Variants in TP73 observed in about 807,000 individuals in gnomAD.
TP73 encodes the protein p53-like transcription factor.
A neutral mutation model predicts 62.5 loss-of-function variants in TP73; 25 were observed. That is an observed-to-expected ratio of 0.40 (90% CI 0.29 to 0.56). The LOEUF (loss-of-function observed/expected upper bound fraction) is 0.56, where lower values mean the gene tolerates loss of function less well. Among genes scored for constraint, TP73 ranks in the 20% least tolerant of loss-of-function variants. TP73 has a pLI of 0.46. For missense variants in TP73, 754 were observed against 913.3 expected, an observed-to-expected ratio of 0.83 and a Z score of 2.25; for synonymous variants, 423 against 377.5, an observed-to-expected ratio of 1.12 and a Z score of -1.40.
At chr1:3,693,670 G>A (rs904492900) in intron 3 of TP73, among the ~76,000 whole-genome samples, 22 of 151,840 alleles carry the variant, frequency 1.4e-4, no homozygotes, top group African/African-American at 4.8e-4. Flanking sequence ...GAGAGCTGCC[G>A]CCTCAGCCCC....
At chr1:3,691,422 A>C (rs1645825615) in intron 3 of TP73, among the ~76,000 whole-genome samples, 1 of 151,640 alleles carries the variant, frequency 6.6e-6, no homozygotes, top group African/African-American at 2.4e-5. Context: ...ATTTGACAGC[A>C]GTGGCAGACG....
chr1:3,718,235 C>T (rs1428539359), intron 4 of TP73, among the ~76,000 whole-genome samples: 3 of 152,184 alleles, frequency 2.0e-5, no homozygotes, highest in African/African-American at 4.8e-5. Context: ...GCGGGGCATC[C>T]ACAGTGCTCC....
chr1:3,729,746 A>G, intron 10 of TP73: 1 of 745,554 alleles, frequency 1.3e-6, no homozygotes, highest in Non-Finnish European at 2.3e-6. Flanking sequence ...ACCCACCAAG[A>G]CCAGAGTCCG....
chr1:3,681,899 C>G (rs1645531849), intron 1 of TP73, among the ~76,000 whole-genome samples: 1 of 109,374 alleles, frequency 9.1e-6, no homozygotes, highest in Non-Finnish European at 2.2e-5. Context: ...CCAAGCATCC[C>G]CCAGGCCAAA....
At chr1:3,731,360 A>T in intron 12 of TP73, 103 bp from the exon 13 acceptor site, 1 of 1,202,456 alleles carries the variant, frequency 8.3e-7, no homozygotes, top group Non-Finnish European at 1.2e-6. Flanking sequence ...CTTCGGAGAC[A>T]GCGGCAGTCT....
chr1:3,697,711 C>T lies in TP73; in HGVS notation c.187-9838C>T, dbSNP rs1044020206. Among the ~76,000 whole-genome samples, 4 of 152,238 alleles carry T rather than the reference C, an allele frequency of 2.6e-5. No homozygotes were observed. In the South Asian group the frequency reaches 8.3e-4, roughly 31 times the overall value. ...GGTGTGAAGAGGAGACCTGCCTTTG[C>T]AGGAGCTGACCAAGGCCAGTGCACT... is the stretch of plus-strand genomic sequence containing the variant. On this transcript the variant is annotated intron_variant, in intron 3 of 13. Coordinates refer to ENST00000378295, the MANE Select transcript of TP73 (RefSeq NM_005427.4).
At chr1:3,669,891 CAT>C (rs532862331) in intron 1 of TP73, among the ~76,000 whole-genome samples, 46 of 152,320 alleles carry the variant, frequency 3.0e-4, no homozygotes, top group East Asian at 9.6e-4. Context: ...CCTGCGGACA[CAT>C]GTGTGCGCAT....
intron 4 of TP73, chr1:3,712,553 G>A (rs1482728771): frequency 6.6e-6 from 1 of 152,246 alleles, no homozygotes; most frequent in African/African-American, 2.4e-5. Context: ...GGAGGAGACA[G>A]GAGGGAGAAC....
chr1:3,665,750 G>A (rs1645097534), intron 1 of TP73, among the ~76,000 whole-genome samples: 1 of 148,712 alleles, frequency 6.7e-6, no homozygotes. Context: ...CACCTCCCAG[G>A]TTCAAGCGAT....
intron 4 of TP73, among the ~76,000 whole-genome samples, chr1:3,721,782 T>C (rs1401906653): frequency 1.3e-5 from 2 of 152,122 alleles, no homozygotes; most frequent in African/African-American, 2.4e-5. Flanking sequence ...ACCCCTGCTG[T>C]CATGGAGCCC....
chr1:3,688,287 GAGCCTT>G (rs1645716872), intron 3 of TP73, among the ~76,000 whole-genome samples: 1 of 152,204 alleles, frequency 6.6e-6, no homozygotes, highest in East Asian at 1.9e-4. Context: ...CCAGGTCTCA[GAGCCTT>G]GCAGCTTCTG....
Position 3,727,683 on chromosome 1 carries a change from C to T in TP73, c.898C>T (p.Arg300Cys). The T allele has an allele frequency of 6.3e-7, 1 of 1,594,622 alleles. No homozygotes were observed. The highest frequency in any genetic ancestry group is 8.5e-7 in the Non-Finnish European group (1 of 1,172,948). Residue 300 changes from arginine (R) to cysteine (C), a missense_variant, in exon 8 of 14, where the codon CGC becomes TGC. This residue lies in a region of TP73 where 458 missense variants were observed against 528.7 expected (regional missense o/e 0.87). Coordinates refer to ENST00000378295, the MANE Select transcript of TP73 (RefSeq NM_005427.4). ...GGGCCGCATCTGCGCCTGTCCTGGC[C>T]GCGACCGAAAAGCTGATGAGGACCA... ...FEGRICACPG[R>C]DRKADEDHYR...
chr1:3,658,711 T>C (rs777027138), intron 1 of TP73, among the ~76,000 whole-genome samples: 19 of 152,262 alleles, frequency 1.2e-4, no homozygotes, highest in Admixed American at 6.5e-5. Context: ...TGTTGGCTGG[T>C]TCTCAGTTGC....
chr1:3,731,176 C>A (rs919124874), intron 12 of TP73, 111 bp downstream of exon 12: 3 of 1,446,150 alleles, frequency 2.1e-6, no homozygotes, highest in African/African-American at 1.4e-5. Context: ...CCACTCGCAA[C>A]CCTGGATCAG....
At chr1:3,721,814 G>A (rs902562130) in intron 4 of TP73, among the ~76,000 whole-genome samples, 25 of 152,212 alleles carry the variant, frequency 1.6e-4, no homozygotes, top group African/African-American at 5.8e-4. Context: ...TGGCTGTGGA[G>A]TGGGTGCCAG....
chr1:3,677,982 G>A (rs555324235), intron 1 of TP73, among the ~76,000 whole-genome samples: 81 of 152,280 alleles, frequency 5.3e-4, no homozygotes, highest in Admixed American at 1.9e-3. Context: ...TGGGATTACA[G>A]TTATGAACCA....
At chr1:3,694,684 A>C (rs1240327248) in intron 3 of TP73, among the ~76,000 whole-genome samples, 2 of 25,722 alleles carry the variant, frequency 7.8e-5, no homozygotes, top group Non-Finnish European at 2.7e-4. Context: ...AATCCCACCC[A>C]TGCAGCCTCA....
chr1:3,732,691 C>T, intron 13 of TP73, 56 bp from the exon 14 acceptor site: 1 of 1,480,452 alleles, frequency 6.8e-7, no homozygotes, highest in Non-Finnish European at 9.1e-7. Flanking sequence ...CAGGGCGACC[C>T]CCCCTGCTCT....
chr1:3,718,587 A>C (rs1640808017), intron 4 of TP73, among the ~76,000 whole-genome samples: 1 of 152,096 alleles, frequency 6.6e-6, no homozygotes, highest in South Asian at 2.1e-4. Context: ...GCCAGGCAGG[A>C]GCTGTGAAAC....
Sources: allele counts gnomAD v4.1 joint callset (sites outside exome capture counted in the v4.1 genomes callset), GRCh38; gene constraint gnomAD v4.1.1; regional missense constraint gnomAD v4.1.1; transcripts MANE v1.5; gene names NCBI Gene and HGNC (gene_info 2026-07-23, HGNC 2026-07-21).